The following SPIRE1 variants were observed in gnomAD, a reference collection of about 807,000 sequenced individuals.
SPIRE1 encodes spire type actin nucleation factor 1, also known as protein spire homolog 1.
SPIRE1 carries 40 observed loss-of-function variants against 94.1 expected under a neutral mutation model. That is an observed-to-expected ratio of 0.43 (90% CI 0.33 to 0.55). The LOEUF (loss-of-function observed/expected upper bound fraction) is 0.55, where lower values mean the gene tolerates loss of function less well. SPIRE1 is among the 20% of genes least tolerant of loss of function. The pLI is 0.06. For missense variants in SPIRE1, 838 were observed against 975.2 expected (o/e 0.86, Z 1.87); for synonymous variants, 376 against 371.7 (o/e 1.01, Z -0.13).
At chr18:12,553,245 A>C (rs1404145597) in intron 2 of SPIRE1, among the ~76,000 whole-genome samples, 1 of 152,236 alleles carries the variant, frequency 6.6e-6, no homozygotes, top group African/African-American at 2.4e-5. Context: ...CAGCTTGGCC[A>C]CAGTGGGGTA....
At chr18:12,646,044 A>T (rs1567989156) in intron 1 of SPIRE1, among the ~76,000 whole-genome samples, 1 of 152,220 alleles carries the variant, frequency 6.6e-6, no homozygotes, top group Non-Finnish European at 1.5e-5. Context: ...GCAGCAAAAA[A>T]TGCGGTAACT....
At chr18:12,555,996 C>T (rs1363615330) in intron 2 of SPIRE1, among the ~76,000 whole-genome samples, 1 of 151,676 alleles carries the variant, frequency 6.6e-6, no homozygotes, top group Admixed American at 6.6e-5. Context: ...AATCAACATA[C>T]AAAAATCAGT....
chr18:12,491,152 T>C (rs1269025865), intron 8 of SPIRE1, among the ~76,000 whole-genome samples: 1 of 151,536 alleles, frequency 6.6e-6, no homozygotes, highest in African/African-American at 2.4e-5. Flanking sequence ...ACAAAAACTA[T>C]GAGACAGAAA....
At chr18:12,508,611 C>T (rs2033917638) in intron 5 of SPIRE1, among the ~76,000 whole-genome samples, 2 of 151,816 alleles carry the variant, frequency 1.3e-5, no homozygotes, top group African/African-American at 4.8e-5. Flanking sequence ...AATTAGGAGA[C>T]AGGAGACAGT....
rs146147982 is a variant in SPIRE1, at chr18:12,640,813, G to C, written c.338-5717C>G. 1.8e-4 allele frequency among the ~76,000 whole-genome samples: 28 copies of C among 152,276 alleles called. No homozygotes were observed. In the East Asian group the frequency reaches 5.4e-3, roughly 29 times the overall value. On this transcript the variant is annotated intron_variant, in intron 1 of 16. Coordinates refer to ENST00000409402, the MANE Select transcript of SPIRE1 (RefSeq NM_001128626.2). ...TAAACTGTGTTTAGACAGGCAGGGG[G>C]CAGATCACACAGGCTTGTAAGGATA...
At chr18:12,504,431 T>G (rs2033765314) in intron 6 of SPIRE1, among the ~76,000 whole-genome samples, 1 of 151,976 alleles carries the variant, frequency 6.6e-6, no homozygotes, top group Non-Finnish European at 1.5e-5. Context: ...CACTTGAACC[T>G]GGGAGGTGGA....
At chr18:12,543,103 C>G (rs1445154345) in intron 3 of SPIRE1, among the ~76,000 whole-genome samples, 1 of 152,208 alleles carries the variant, frequency 6.6e-6, no homozygotes, top group African/African-American at 2.4e-5. Flanking sequence ...GCTGGGATTA[C>G]AGGCGTGAGC....
At chr18:12,603,393 A>C (rs1050299392) in intron 2 of SPIRE1, among the ~76,000 whole-genome samples, 2 of 152,170 alleles carry the variant, frequency 1.3e-5, no homozygotes, top group Admixed American at 1.3e-4. Flanking sequence ...GAATCCTTGG[A>C]ATGTCCAAAG....
intron 3 of SPIRE1, among the ~76,000 whole-genome samples, chr18:12,538,300 C>G (rs1178533192): frequency 6.6e-6 from 1 of 152,060 alleles, no homozygotes; most frequent in Non-Finnish European, 1.5e-5. Context: ...AAAGAGACAT[C>G]AGGGGTTAGG....
At chr18:12,529,918 T>C (rs1024143538) in intron 4 of SPIRE1, among the ~76,000 whole-genome samples, 2 of 152,246 alleles carry the variant, frequency 1.3e-5, no homozygotes, top group South Asian at 4.1e-4. Flanking sequence ...CTAATGTTAC[T>C]GTATTACGAA....
intron 12 of SPIRE1, among the ~76,000 whole-genome samples, chr18:12,461,422 G>GTGTATGTATGTATATACATACA (rs2031794796): frequency 2.0e-4 from 25 of 127,772 alleles, no homozygotes; most frequent in South Asian, 1.1e-3. Flanking sequence ...GTATGTGTGT[G>GTGTATGTATGTATATACATACA]TGTGTGTATG....
intron 2 of SPIRE1, among the ~76,000 whole-genome samples, chr18:12,623,478 A>C (rs908808498): frequency 3.3e-5 from 5 of 152,054 alleles, no homozygotes; most frequent in Non-Finnish European, 5.9e-5. Context: ...AATGCTACAA[A>C]TGAATAAATG....
intron 2 of SPIRE1, among the ~76,000 whole-genome samples, chr18:12,612,445 A>G (rs917463746): frequency 2.6e-5 from 4 of 151,780 alleles, no homozygotes; most frequent in Non-Finnish European, 5.9e-5. Context: ...CCTCTTCTCT[A>G]TTTACCCTCA....
intron 9 of SPIRE1, among the ~76,000 whole-genome samples, chr18:12,482,342 G>A (rs1419513872): frequency 6.6e-6 from 1 of 151,896 alleles, no homozygotes; most frequent in Non-Finnish European, 1.5e-5. Flanking sequence ...TCGAGGTTTC[G>A]CCATGTTGGC....
At chr18:12,561,508 C>T (rs915695618) in intron 2 of SPIRE1, among the ~76,000 whole-genome samples, 4 of 152,122 alleles carry the variant, frequency 2.6e-5, no homozygotes, top group Non-Finnish European at 4.4e-5. Flanking sequence ...TCAGGTGATC[C>T]GCCCGCCTTG....
At chr18:12,556,838 T>C (rs942099737) in intron 2 of SPIRE1, among the ~76,000 whole-genome samples, 3 of 152,146 alleles carry the variant, frequency 2.0e-5, no homozygotes, top group Non-Finnish European at 4.4e-5. Context: ...AGAACAAAGC[T>C]TCCACAGTGT....
chr18:12,517,868 A>T (rs2034241175), intron 4 of SPIRE1, among the ~76,000 whole-genome samples: 1 of 152,200 alleles, frequency 6.6e-6, no homozygotes, highest in African/African-American at 2.4e-5. Context: ...TTAAAATAAT[A>T]ATGTATTTTT....
At chr18:12,495,626 T>C (rs1221012637) in intron 7 of SPIRE1, among the ~76,000 whole-genome samples, 1 of 152,218 alleles carries the variant, frequency 6.6e-6, no homozygotes, top group Non-Finnish European at 1.5e-5. Flanking sequence ...TAGTGGCTCA[T>C]GTCTGTAATC....
intron 4 of SPIRE1, among the ~76,000 whole-genome samples, chr18:12,523,369 C>A (rs186557680): frequency 6.6e-6 from 1 of 152,228 alleles, no homozygotes; most frequent in Admixed American, 6.5e-5. Context: ...TGATGCTGTG[C>A]ACATTATTGA....
Sources: allele counts gnomAD v4.1 joint callset (sites outside exome capture counted in the v4.1 genomes callset), GRCh38; gene constraint gnomAD v4.1.1; transcripts MANE v1.5; gene names NCBI Gene and HGNC (gene_info 2026-07-23, HGNC 2026-07-21).